CSRP3: variants seen among roughly 807,000 people sequenced by gnomAD.
The protein encoded by CSRP3 is cysteine and glycine rich protein 3.
Under a neutral mutation model 24.3 loss-of-function variants are expected in CSRP3, and 24 were observed. That is an observed-to-expected ratio of 0.99 (90% CI 0.71 to 1.39). The LOEUF is 1.39. CSRP3 is among the 40% of genes most tolerant of loss of function. The pLI is 0.00. For missense variants in CSRP3, 240 were observed against 249.0 expected (o/e 0.96, Z 0.24); for synonymous variants, 105 against 94.0 (o/e 1.12, Z -0.68).
intron 1 of CSRP3, among the ~76,000 whole-genome samples, chr11:19,195,993 G>A (rs1477760864): frequency 6.6e-6 from 1 of 152,216 alleles, no homozygotes; most frequent in African/African-American, 2.4e-5. Context: ...TCCAGGCCAG[G>A]CATGGTGGCT....
intron 1 of CSRP3, among the ~76,000 whole-genome samples, chr11:19,197,500 CCTCTTTCTTT>C (rs1565055419): frequency 1.0e-5 from 1 of 99,272 alleles, no homozygotes; most frequent in Non-Finnish European, 2.1e-5. Context: ...TCCCTCTTTT[CCTCTTTCTTT>C]CTTTCTTTCT....
intron 5 of CSRP3, among the ~76,000 whole-genome samples, chr11:19,184,558 C>G (rs187879230): frequency 1.3e-5 from 2 of 152,200 alleles, no homozygotes; most frequent in Non-Finnish European, 2.9e-5. Flanking sequence ...CCAGTCACCC[C>G]CTCTGCCACT....
intron 1 of CSRP3, among the ~76,000 whole-genome samples, chr11:19,199,319 C>A (rs553749907): frequency 6.6e-6 from 1 of 152,152 alleles, no homozygotes; most frequent in African/African-American, 2.4e-5. Flanking sequence ...TTCACAGAGC[C>A]CAGGAAGAAC....
chr11:19,190,613 T>G (rs78129202), intron 2 of CSRP3, among the ~76,000 whole-genome samples: 3,480 of 152,288 alleles, frequency 0.023, 74 homozygotes, highest in African/African-American at 0.045. Flanking sequence ...CTTTCTAGAT[T>G]TCATGATTAG....
At chr11:19,200,742 C>T (rs1472280261) in intron 1 of CSRP3, among the ~76,000 whole-genome samples, 2 of 152,214 alleles carry the variant, frequency 1.3e-5, no homozygotes, top group African/African-American at 2.4e-5. Context: ...TTTTCTGGAT[C>T]ATAAAGCAGT....
At chr11:19,198,418 C>T (rs933617253) in intron 1 of CSRP3, among the ~76,000 whole-genome samples, 2 of 152,218 alleles carry the variant, frequency 1.3e-5, no homozygotes, top group Non-Finnish European at 2.9e-5. Context: ...AACAGGGAAA[C>T]TGAATTCATT....
At chr11:19,186,405 A>T in intron 3 of CSRP3, 57 bp from the exon 4 acceptor site, 1 of 1,610,936 alleles carries the variant, frequency 6.2e-7, no homozygotes, top group South Asian at 1.1e-5. Context: ...AGAGTAGAAG[A>T]GCTGTGTGGC....
At chr11:19,189,087 T>G (rs971664073) in intron 2 of CSRP3, among the ~76,000 whole-genome samples, 4 of 152,222 alleles carry the variant, frequency 2.6e-5, no homozygotes, top group African/African-American at 9.7e-5. Flanking sequence ...ATATATTGAT[T>G]TGGAAAGGTT....
intron 2 of CSRP3, 105 bp downstream of exon 2, chr11:19,192,232 G>T: frequency 1.2e-6 from 1 of 807,188 alleles, no homozygotes; most frequent in Non-Finnish European, 2.2e-6. Flanking sequence ...GCTTGTCCCA[G>T]GACCACACTA....
intron 5 of CSRP3, among the ~76,000 whole-genome samples, chr11:19,183,062 G>A (rs1850464082): frequency 1.3e-5 from 2 of 152,106 alleles, no homozygotes; most frequent in South Asian, 4.2e-4. Context: ...GGAGGCTGAG[G>A]CAGGAGAATT....
At chr11:19,186,158 T>C in intron 4 of CSRP3, 58 bp downstream of exon 4, 4 of 1,612,710 alleles carry the variant, frequency 2.5e-6, no homozygotes, top group East Asian at 4.5e-5. Flanking sequence ...CTCTCATTCC[T>C]CCCAAATGGC....
chr11:19,184,988 T>C lies in CSRP3; in HGVS notation c.472A>G (p.Asn158Asp), dbSNP rs1373333255. 4.3e-6 allele frequency: 7 copies of C among 1,614,008 alleles called. No homozygotes were observed. Among genetic ancestry groups the C allele is most frequent in the Non-Finnish European group, 3.4e-6 (4 of 1,179,946 alleles). Residue 158 changes from asparagine (N) to aspartate (D), a missense_variant, in exon 5 of 6, where the codon AAT (asparagine) becomes GAT (aspartate). Physicochemically the swap from Asn to Asp is conservative, Grantham distance 23 (BLOSUM62 1). Coordinates refer to ENST00000265968, the MANE Select transcript of CSRP3 (RefSeq NM_003476.5). ...AGTTCCCCATCTTTGTCAGTGACAT[T>C]TGTGGACTCCAGACTCTTCCCACAG... ...AICGKSLEST[N>D]VTDKDGELYC...
chr11:19,188,613 AGTGTGTGTGTGTGT>A (rs138192808), intron 2 of CSRP3, among the ~76,000 whole-genome samples: 3 of 140,970 alleles, frequency 2.1e-5, no homozygotes, highest in Middle Eastern at 3.6e-3. Context: ...ACATCAGGGA[AGTGTGTGTGTGTGT>A]GTGTGTGTGT....
chr11:19,188,093 T>C lies in CSRP3; in HGVS notation c.281+43A>G, dbSNP rs45602431. ...GGAACGAAATGAACTGTCCTGATAATTGGAGACTTTAACAGGCAAGGGGGA... is the reference window on the plus strand; with the variant it reads ...GGAACGAAATGAACTGTCCTGATAACTGGAGACTTTAACAGGCAAGGGGGA... On this transcript the variant is annotated intron_variant, in intron 3 of 5. Coordinates refer to ENST00000265968, the MANE Select transcript of CSRP3 (RefSeq NM_003476.5). 3,902 of 1,610,702 alleles carry C rather than the reference T, an allele frequency of 2.4e-3. 13 individuals are homozygous for C. The highest frequency in any genetic ancestry group is 6.4e-3 in the Middle Eastern group (39 of 6,054).
chr11:19,194,126 T>C (rs1406741667), intron 1 of CSRP3, among the ~76,000 whole-genome samples: 1 of 152,170 alleles, frequency 6.6e-6, no homozygotes, highest in Non-Finnish European at 1.5e-5. Flanking sequence ...CACTAAGCCC[T>C]CCTGGGTCAA....
chr11:19,199,759 A>C (rs1253007219), intron 1 of CSRP3, among the ~76,000 whole-genome samples: 2 of 152,214 alleles, frequency 1.3e-5, no homozygotes, highest in Non-Finnish European at 2.9e-5. Context: ...AGCTCAGAAA[A>C]GGCTCCATCC....
chr11:19,186,161 C>T (rs1850520925), intron 4 of CSRP3, 55 bp downstream of exon 4: 4 of 1,613,350 alleles, frequency 2.5e-6, no homozygotes, highest in Non-Finnish European at 3.4e-6. Context: ...TCATTCCTCC[C>T]AAATGGCCTG....
chr11:19,190,259 C>T (rs1317540029), intron 2 of CSRP3, among the ~76,000 whole-genome samples: 1 of 152,254 alleles, frequency 6.6e-6, no homozygotes, highest in Non-Finnish European at 1.5e-5. Context: ...CTGGCCAATT[C>T]TGTAGCCACT....
intron 5 of CSRP3, 103 bp from the exon 6 acceptor site, chr11:19,182,849 C>T (rs1850459708): frequency 1.2e-6 from 1 of 867,836 alleles, no homozygotes; most frequent in African/African-American, 1.7e-5. Context: ...TTAGAGACAT[C>T]CTTTTGATAG....
Sources: gnomAD v4.1 joint callset for allele counts (sites outside exome capture counted in the v4.1 genomes callset) on GRCh38, gnomAD v4.1.1 for gene constraint, MANE v1.5 for transcripts, NCBI Gene and HGNC (gene_info 2026-07-23, HGNC 2026-07-21) for gene names.